The following PODN variants were observed in gnomAD, a reference collection of about 807,000 sequenced individuals.
The protein encoded by PODN is podocan proteoglycan.
In PODN, 40 loss-of-function variants were observed where a neutral mutation model predicts 52.7. The observed-to-expected ratio is 0.76, with a 90% confidence interval of 0.59 to 0.99. PODN has a LOEUF of 0.99. Ranked by LOEUF, PODN falls within the 50% of genes least tolerant of loss-of-function variation. PODN has a pLI of 0.00. For missense variants in PODN, 720 were observed against 815.1 expected (o/e 0.88, Z 1.42); for synonymous variants, 396 against 377.9 (o/e 1.05, Z -0.56).
At chr1:53,084,345 C>G (rs1240937919) in intron 10 of PODN, among the ~76,000 whole-genome samples, 168 bp from the exon 11 acceptor site, 1 of 151,512 alleles carries the variant, frequency 6.6e-6, no homozygotes, top group African/African-American at 2.4e-5. Context: ...GGCCTTCTGG[C>G]ACCCCGCTGG....
At chr1:53,062,555 C>T (rs1643973517) in intron 1 of PODN, among the ~76,000 whole-genome samples, 1 of 152,230 alleles carries the variant, frequency 6.6e-6, no homozygotes, top group Non-Finnish European at 1.5e-5. Flanking sequence ...TGGTCCCCGT[C>T]CCCAGGCCCC....
Position 53,084,593 on chromosome 1 carries a change from C to T in PODN, c.*108C>T, listed in dbSNP as rs916487331. Reference sequence around the variant, plus strand: ...CCACTCTGCCGTGCTCACACAGACACACCCAGCTGCACACATGAGGCATCC... The same window carrying T: ...CCACTCTGCCGTGCTCACACAGACATACCCAGCTGCACACATGAGGCATCC... On this transcript the variant is annotated 3_prime_UTR_variant, in exon 11 of 11. Transcript: ENST00000312553. 4.6e-5 allele frequency: 7 copies of T among 152,590 alleles called. No individual in the cohort carries two copies. Among genetic ancestry groups the T allele is most frequent in the Admixed American group, 3.3e-4 (5 of 15,298 alleles). The allele number at this position is 152,590 out of a possible 1,614,324, so 9.5% of individuals were successfully genotyped here. A position where few individuals can be genotyped will look rare whatever the true frequency, so the allele number is the denominator to read the frequency against.
intron 1 of PODN, among the ~76,000 whole-genome samples, chr1:53,062,701 T>G (rs1025724267): frequency 6.6e-6 from 1 of 152,166 alleles, no homozygotes; most frequent in Admixed American, 6.5e-5. Context: ...CATGAGAGCC[T>G]GGGCCCGAAG....
chr1:53,078,373 C>A lies in PODN; in HGVS notation c.863C>A (p.Ser288Tyr). 1.9e-6 allele frequency: 3 copies of A among 1,609,208 alleles called. No individual in the cohort carries two copies. The highest frequency in any genetic ancestry group is 2.6e-6 in the Non-Finnish European group (3 of 1,176,344). Reference sequence around the variant, plus strand: ...TTCCCTCCCTGCCCCAGGAAGCTCTCCAGCCTGGAGTACCTGGATCTGTCC... The same window carrying A: ...TTCCCTCCCTGCCCCAGGAAGCTCTACAGCCTGGAGTACCTGGATCTGTCC... ...GLDNETFWKLSSLEYLDLSSN... is the reference protein window; with the variant it reads ...GLDNETFWKLYSLEYLDLSSN... The change falls in exon 8 of 11, where the codon TCC becomes TAC. Residue 288 changes from serine (S) to tyrosine (Y), a missense_variant. Physicochemically the swap from Ser to Tyr is moderately radical, Grantham distance 144. Transcript: ENST00000312553.
intron 1 of PODN, among the ~76,000 whole-genome samples, chr1:53,063,140 G>A (rs569359260): frequency 6.6e-6 from 1 of 152,366 alleles, no homozygotes; most frequent in South Asian, 2.1e-4. Context: ...TCCGTCAGGT[G>A]GAAGAGGAGG....
chr1:53,077,105 G>A lies in PODN; in HGVS notation c.582-85G>A, dbSNP rs1644204871. 3 of 1,509,456 alleles carry A rather than the reference G, an allele frequency of 2.0e-6. No individual in the cohort carries two copies. In the South Asian group the frequency reaches 3.8e-5, roughly 19 times the overall value. The allele number at this position is 1,509,456 out of a possible 1,614,324, so 93.5% of individuals were successfully genotyped here. On this transcript the variant is annotated intron_variant, in intron 5 of 10. Transcript: ENST00000312553. ...AGTTTGGATGGAAGGAGAGCAGCCT[G>A]GGCAAGGGTTTAGAGGCTCACCAGT...
chr1:53,078,258 C>T, intron 7 of PODN, 107 bp from the exon 8 acceptor site: 2 of 1,160,546 alleles, frequency 1.7e-6, no homozygotes, highest in East Asian at 2.4e-5. Flanking sequence ...AGCAGCAGAG[C>T]TGGGAGGAGC....
chr1:53,074,808 C>CGGGGGGGG, intron 4 of PODN, 138 bp downstream of exon 4: 3 of 476,776 alleles, frequency 6.3e-6, no homozygotes, highest in Non-Finnish European at 6.8e-6. Context: ...GGCCCTGGGT[C>CGGGGGGGG]GGGGGTGGGG....
intron 3 of PODN, among the ~76,000 whole-genome samples, chr1:53,073,924 T>C (rs1180325570): frequency 6.6e-6 from 1 of 152,260 alleles, no homozygotes; most frequent in Non-Finnish European, 1.5e-5. Context: ...GCCTGCTTTG[T>C]TTCTCTTAGC....
At position 53,069,942 on chromosome 1, in the gene PODN, AT is replaced by A; in HGVS notation, c.90del (p.Phe30LeufsTer9). On this transcript the variant is annotated frameshift_variant, in exon 2 of 11. Coordinates refer to ENST00000312553, the MANE Select transcript of PODN (RefSeq NM_153703.5). LOFTEE classifies it high-confidence loss of function. ...GPVLAVRAPGFGRSGGHSLSP... is the reference protein window; with the variant it reads ...GPVLAVRAPGXGRSGGHSLSP... ...CTGTGCTTGCCGTGAGGGCCCCAGG[AT>A]TTGGCCGAAGTGGCGGCCACAGCCT... is the stretch of plus-strand genomic sequence containing the variant. The A allele has an allele frequency of 6.3e-7, 1 of 1,593,488 alleles. No homozygotes were observed. The highest frequency in any genetic ancestry group is 8.5e-7 in the Non-Finnish European group (1 of 1,170,564).
At chr1:53,070,232 A>G in intron 2 of PODN, 65 bp downstream of exon 2, 3 of 1,581,276 alleles carry the variant, frequency 1.9e-6, no homozygotes, top group Non-Finnish European at 2.6e-6. Context: ...CCCATCCCAG[A>G]ACCCTGACAC....
intron 1 of PODN, among the ~76,000 whole-genome samples, chr1:53,068,868 T>A (rs941503931): frequency 6.6e-6 from 1 of 152,122 alleles, no homozygotes; most frequent in Non-Finnish European, 1.5e-5. Context: ...CTGTACCCCA[T>A]CCTTGCTGGA....
chr1:53,081,942 G>A (rs1479060209), intron 9 of PODN, 39 bp from the exon 10 acceptor site: 2 of 1,559,656 alleles, frequency 1.3e-6, no homozygotes, highest in Non-Finnish European at 1.7e-6. Flanking sequence ...TTCCTTGGGG[G>A]TTGGGCTCCT....
rs1313413834 is a variant in PODN, at chr1:53,075,924, T to C, written c.534T>C (p.Tyr178=). 2.5e-6 allele frequency: 4 copies of C among 1,605,810 alleles called. No homozygotes were observed. Among genetic ancestry groups the C allele is most frequent in the Non-Finnish European group, 3.4e-6 (4 of 1,175,516 alleles). ...TCAGTGTGGACTTTGCTGCCAACTA[T>C]CTCACCAAGATCTATGGGCTCACCT... ...ALISVDFAAN[Y]LTKIYGLTFG... The change falls in exon 5 of 11, where the codon TAT becomes TAC. Residue 178 remains tyrosine (Y), a synonymous_variant. Transcript: ENST00000312553.
chr1:53,069,022 C>G (rs1315859381), intron 1 of PODN, among the ~76,000 whole-genome samples: 1 of 152,174 alleles, frequency 6.6e-6, no homozygotes, highest in Non-Finnish European at 1.5e-5. Context: ...GATCCTTTCT[C>G]TGTGCTGGGC....
At chr1:53,065,845 G>C (rs1473997615) in intron 1 of PODN, among the ~76,000 whole-genome samples, 1 of 152,084 alleles carries the variant, frequency 6.6e-6, no homozygotes, top group Non-Finnish European at 1.5e-5. Flanking sequence ...TTGCTTGTAT[G>C]ACCCTTTCCC....
At chr1:53,077,457 G>A (rs1198439921) in intron 6 of PODN, 111 bp downstream of exon 6, 4 of 1,488,222 alleles carry the variant, frequency 2.7e-6, no homozygotes, top group African/African-American at 1.4e-5. Flanking sequence ...TGCTGCCCAA[G>A]TGGGGCCCCG....
At position 53,067,309 on chromosome 1, in the gene PODN, G is replaced by A. The variant is rs140735505; in HGVS notation, c.-55-2492G>A. Among the ~76,000 whole-genome samples the A allele has an allele frequency of 3.3e-3, 503 of 152,016 alleles. 3 individuals are homozygous for A. The highest frequency in any genetic ancestry group is 0.011 in the East Asian group (56 of 5,160). On this transcript the variant is annotated intron_variant, in intron 1 of 10. Coordinates refer to ENST00000312553, the MANE Select transcript of PODN (RefSeq NM_153703.5). ...TGCCACCCCTCCTGTCTCCTCTAGG[G>A]CCTCCTACTCCTTGGGACCCCTTTT...
At chr1:53,076,557 T>C (rs1182285665) in intron 5 of PODN, among the ~76,000 whole-genome samples, 2 of 152,186 alleles carry the variant, frequency 1.3e-5, no homozygotes, top group Admixed American at 1.3e-4. Context: ...TCTAGTATGT[T>C]GGGTCCACGA....
Sources: gnomAD v4.1 joint callset for allele counts (sites outside exome capture counted in the v4.1 genomes callset) on GRCh38, gnomAD v4.1.1 for gene constraint, MANE v1.5 for transcripts, NCBI Gene and HGNC (gene_info 2026-07-23, HGNC 2026-07-21) for gene names.